PDSS2: variants seen among roughly 807,000 people sequenced by gnomAD.
The protein encoded by PDSS2 is decaprenyl diphosphate synthase subunit 2, also known as all trans-polyprenyl-diphosphate synthase PDSS2.
Under a neutral mutation model 44.5 loss-of-function variants are expected in PDSS2, and 31 were observed. That is an observed-to-expected ratio of 0.70 (90% CI 0.52 to 0.94). PDSS2 has a LOEUF of 0.94. PDSS2 is among the 40% of genes least tolerant of loss of function. The probability of loss-of-function intolerance (pLI) is 0.00; values close to 1 mark genes in which losing one functional copy is unlikely to be tolerated. For missense variants in PDSS2, 452 were observed against 482.2 expected (o/e 0.94, Z 0.59); for synonymous variants, 157 against 180.3 (o/e 0.87, Z 1.03).
intron 1 of PDSS2, 57 bp downstream of exon 1, chr6:107,458,933 C>A: frequency 6.5e-7 from 1 of 1,537,988 alleles, no homozygotes; most frequent in Non-Finnish European, 9.0e-7. Flanking sequence ...GTATGCCCGC[C>A]AGAAAAAAAA....
rs139263736 is a variant in PDSS2, at chr6:107,388,551, C to T, written c.297-54219G>A. 3.8e-3 allele frequency among the ~76,000 whole-genome samples: 585 copies of T among 151,972 alleles called. 4 individuals carry two copies. The highest frequency in any genetic ancestry group is 9.9e-3 in the African/African-American group (410 of 41,432). ...GCAAGCTCCGCCTCCCGGGTTCACG[C>T]CATTCTCCTGCCTCAGCCTCCTGGG... On this transcript the variant is annotated intron_variant, in intron 1 of 7. Coordinates refer to ENST00000369037, the MANE Select transcript of PDSS2 (RefSeq NM_020381.4).
intron 3 of PDSS2, 128 bp from the exon 4 acceptor site, chr6:107,245,747 G>A: frequency 1.8e-6 from 1 of 568,702 alleles, no homozygotes; most frequent in South Asian, 2.6e-5. Flanking sequence ...ATGGGACTAT[G>A]CACCAAGATC....
chr6:107,337,739 C>A (rs1291693746), intron 1 of PDSS2, among the ~76,000 whole-genome samples: 1 of 152,046 alleles, frequency 6.6e-6, no homozygotes, highest in African/African-American at 2.4e-5. Flanking sequence ...AAAAGTCTTC[C>A]CCACTCTACT....
At chr6:107,351,530 A>C (rs1302071069) in intron 1 of PDSS2, among the ~76,000 whole-genome samples, 1 of 152,146 alleles carries the variant, frequency 6.6e-6, no homozygotes, top group Non-Finnish European at 1.5e-5. Flanking sequence ...AATATTCTTT[A>C]CTTAAATCAA....
intron 2 of PDSS2, among the ~76,000 whole-genome samples, chr6:107,320,137 GAA>G (rs1028009831): frequency 6.6e-6 from 1 of 152,122 alleles, no homozygotes; most frequent in African/African-American, 2.4e-5. Flanking sequence ...CTGCTGCAAA[GAA>G]AAGTCTGCCA....
At position 107,445,044 on chromosome 6, in the gene PDSS2, G is replaced by C. The variant is rs567947421; in HGVS notation, c.296+13946C>G. Among the ~76,000 whole-genome samples, 7 of 152,146 alleles carry C rather than the reference G, an allele frequency of 4.6e-5. No individual in the cohort carries two copies. The South Asian group carries it at 1.2e-3, about 27-fold the overall frequency. On this transcript the variant is annotated intron_variant, in intron 1 of 7. Coordinates refer to ENST00000369037, the MANE Select transcript of PDSS2 (RefSeq NM_020381.4). ...TACTCAAAGAATCATCTATGTTTTA[G>C]AAACAACAAAAGTCTAACCAATTCT...
chr6:107,312,270 C>T (rs1015050537), intron 2 of PDSS2, among the ~76,000 whole-genome samples: 2 of 152,174 alleles, frequency 1.3e-5, no homozygotes, highest in Admixed American at 1.3e-4. Context: ...ACCCTTGCTA[C>T]CCCTGATGGC....
chr6:107,161,401 C>T (rs62428005), intron 7 of PDSS2, among the ~76,000 whole-genome samples: 2 of 151,206 alleles, frequency 1.3e-5, no homozygotes, highest in African/African-American at 4.9e-5. Flanking sequence ...AATGGCGTGA[C>T]CCCGGGAGGT....
intron 7 of PDSS2, among the ~76,000 whole-genome samples, chr6:107,180,915 A>T (rs1771951815): frequency 6.6e-6 from 1 of 152,118 alleles, no homozygotes; most frequent in South Asian, 2.1e-4. Context: ...GCAGGGGCGC[A>T]ATAACCGCAA....
intron 2 of PDSS2, among the ~76,000 whole-genome samples, chr6:107,311,839 AATGAG>A (rs1211380751): frequency 6.6e-6 from 1 of 152,202 alleles, no homozygotes; most frequent in African/African-American, 2.4e-5. Flanking sequence ...TTGAGACATA[AATGAG>A]ATAACATGTG....
At chr6:107,203,257 A>G (rs1178551409) in intron 6 of PDSS2, among the ~76,000 whole-genome samples, 1 of 152,092 alleles carries the variant, frequency 6.6e-6, no homozygotes, top group African/African-American at 2.4e-5. Flanking sequence ...TTTTTCTGTT[A>G]TCCTAGTCCA....
intron 1 of PDSS2, among the ~76,000 whole-genome samples, chr6:107,427,799 G>C (rs1781052992): frequency 6.6e-6 from 1 of 151,988 alleles, no homozygotes; most frequent in Non-Finnish European, 1.5e-5. Context: ...ATTTAGATTG[G>C]ATTGTTACTT....
At chr6:107,389,962 A>G (rs1400609947) in intron 1 of PDSS2, among the ~76,000 whole-genome samples, 1 of 152,152 alleles carries the variant, frequency 6.6e-6, no homozygotes, top group African/African-American at 2.4e-5. Context: ...GGTTATGTCA[A>G]AGGGAAAGAG....
At chr6:107,225,164 T>TATATA (rs1289535741) in intron 4 of PDSS2, among the ~76,000 whole-genome samples, 1 of 42,952 alleles carries the variant, frequency 2.3e-5, no homozygotes, top group African/African-American at 1.3e-4. Context: ...TATATATATT[T>TATATA]TTTTTTTTTT....
chr6:107,216,081 G>T (rs1481228733), intron 4 of PDSS2, among the ~76,000 whole-genome samples: 1 of 151,974 alleles, frequency 6.6e-6, no homozygotes, highest in South Asian at 2.1e-4. Flanking sequence ...AGGCTGCAGT[G>T]AGCTGAGATT....
intron 6 of PDSS2, among the ~76,000 whole-genome samples, chr6:107,200,315 G>A (rs1772725957): frequency 6.6e-6 from 1 of 152,118 alleles, no homozygotes; most frequent in Non-Finnish European, 1.5e-5. Context: ...TTACATTTTT[G>A]TATAGGCCTT....
intron 1 of PDSS2, among the ~76,000 whole-genome samples, chr6:107,363,324 G>A (rs932245470): frequency 3.9e-5 from 6 of 152,232 alleles, no homozygotes; most frequent in Non-Finnish European, 8.8e-5. Context: ...CCCTCGCGGT[G>A]AGTCTTACAG....
chr6:107,334,417 C>T, intron 1 of PDSS2, 85 bp from the exon 2 acceptor site: 2 of 1,252,570 alleles, frequency 1.6e-6, no homozygotes, highest in Non-Finnish European at 2.3e-6. Flanking sequence ...AAGATGCCCA[C>T]ACTTCTAAAA....
At chr6:107,205,365 A>G (rs370727067) in intron 6 of PDSS2, among the ~76,000 whole-genome samples, 3 of 152,220 alleles carry the variant, frequency 2.0e-5, no homozygotes, top group African/African-American at 7.2e-5. Flanking sequence ...TGGCAGCAGA[A>G]AACTAGAAGG....
Sources: allele counts gnomAD v4.1 joint callset (sites outside exome capture counted in the v4.1 genomes callset), GRCh38; gene constraint gnomAD v4.1.1; transcripts MANE v1.5; gene names NCBI Gene and HGNC (gene_info 2026-07-23, HGNC 2026-07-21).